The following VTI1A variants were observed in gnomAD, a reference collection of about 807,000 sequenced individuals.
VTI1A encodes vesicle transport through interaction with t-SNAREs homolog 1A.
A neutral mutation model predicts 34.9 loss-of-function variants in VTI1A; 22 were observed. The ratio of observed to expected loss-of-function variants is 0.63; its 90% confidence interval spans 0.45 to 0.90. VTI1A has a LOEUF of 0.90. VTI1A is among the 40% of genes least tolerant of loss of function. VTI1A has a pLI of 0.00. For synonymous variants in VTI1A, 87 were observed against 97.3 expected (o/e 0.89, Z 0.62); for missense variants, 268 against 275.6 (o/e 0.97, Z 0.20).
intron 7 of VTI1A, among the ~76,000 whole-genome samples, chr10:112,687,449 G>T (rs995058911): frequency 1.3e-5 from 2 of 151,300 alleles, no homozygotes; most frequent in African/African-American, 4.9e-5. Flanking sequence ...TAGCCAGGAT[G>T]GTCTCGATCT....
intron 3 of VTI1A, among the ~76,000 whole-genome samples, chr10:112,512,470 T>C (rs1849645923): frequency 6.6e-6 from 1 of 152,062 alleles, no homozygotes; most frequent in Non-Finnish European, 1.5e-5. Context: ...GGATGAATAG[T>C]TTGTGTTTTC....
intron 7 of VTI1A, among the ~76,000 whole-genome samples, chr10:112,733,253 A>AT (rs1467234572): frequency 6.6e-6 from 1 of 152,116 alleles, no homozygotes; most frequent in Non-Finnish European, 1.5e-5. Context: ...TAAAATTGAA[A>AT]TTCATATGAA....
chr10:112,542,219 G>T (rs776548991), intron 5 of VTI1A, among the ~76,000 whole-genome samples: 8 of 152,156 alleles, frequency 5.3e-5, no homozygotes, highest in Non-Finnish European at 1.0e-4. Context: ...AAGAGAAATT[G>T]TACAAGGGCA....
intron 5 of VTI1A, among the ~76,000 whole-genome samples, chr10:112,658,246 C>G (rs1288814356): frequency 6.6e-6 from 1 of 152,014 alleles, no homozygotes; most frequent in East Asian, 1.9e-4. Context: ...CCCCACCACG[C>G]CCAGCTAATT....
At chr10:112,703,664 G>A (rs1010293466) in intron 7 of VTI1A, among the ~76,000 whole-genome samples, 1 of 151,898 alleles carries the variant, frequency 6.6e-6, no homozygotes, top group Non-Finnish European at 1.5e-5. Flanking sequence ...ACAATATAAA[G>A]CAAAACATAG....
At chr10:112,674,053 G>A (rs1210411676) in intron 7 of VTI1A, among the ~76,000 whole-genome samples, 15 of 152,094 alleles carry the variant, frequency 9.9e-5, no homozygotes, top group African/African-American at 3.6e-4. Flanking sequence ...TGAGAAAAAT[G>A]TCCTTGAAAA....
chr10:112,580,887 C>A (rs141431009), intron 5 of VTI1A, among the ~76,000 whole-genome samples: 1 of 152,144 alleles, frequency 6.6e-6, no homozygotes, highest in African/African-American at 2.4e-5. Flanking sequence ...GGAATAACTA[C>A]GTACTGGAAT....
At chr10:112,582,210 A>G (rs752505923) in intron 5 of VTI1A, among the ~76,000 whole-genome samples, 1 of 152,076 alleles carries the variant, frequency 6.6e-6, no homozygotes, top group Non-Finnish European at 1.5e-5. Context: ...AAAGAGAGAG[A>G]AGGACACTCT....
At chr10:112,693,271 G>C (rs1848666466) in intron 7 of VTI1A, among the ~76,000 whole-genome samples, 1 of 152,166 alleles carries the variant, frequency 6.6e-6, no homozygotes, top group Admixed American at 6.5e-5. Context: ...AACTGGCGGG[G>C]CGTGATGGCT....
intron 3 of VTI1A, among the ~76,000 whole-genome samples, chr10:112,487,630 G>T (rs1483843486): frequency 6.6e-6 from 1 of 152,012 alleles, no homozygotes; most frequent in Non-Finnish European, 1.5e-5. Context: ...CTCTCACCTA[G>T]TTGTCTTTTT....
chr10:112,719,844 C>T (rs917512528), intron 7 of VTI1A, among the ~76,000 whole-genome samples: 1 of 152,174 alleles, frequency 6.6e-6, no homozygotes, highest in Non-Finnish European at 1.5e-5. Flanking sequence ...CGACACCCAG[C>T]CCAATTGTAG....
chr10:112,564,977 T>TA (rs1851859857), intron 5 of VTI1A, among the ~76,000 whole-genome samples: 4 of 152,122 alleles, frequency 2.6e-5, no homozygotes, highest in Admixed American at 2.6e-4. Context: ...ATGCTAATGT[T>TA]AAAAAAAGTG....
intron 3 of VTI1A, among the ~76,000 whole-genome samples, chr10:112,508,717 CAT>C (rs1234072084): frequency 6.6e-6 from 1 of 152,156 alleles, no homozygotes; most frequent in Non-Finnish European, 1.5e-5. Context: ...ACTACTAAAT[CAT>C]GTGCTGATAA....
intron 7 of VTI1A, among the ~76,000 whole-genome samples, chr10:112,682,057 T>C (rs1848234519): frequency 6.6e-6 from 1 of 152,216 alleles, no homozygotes; most frequent in Non-Finnish European, 1.5e-5. Flanking sequence ...TTAGGTCTTT[T>C]AATCTGTTTG....
In VTI1A at chr10:112,464,531, T is replaced by A; in HGVS notation, c.154-16T>A. 1 of 1,600,174 alleles carries A rather than the reference T, an allele frequency of 6.2e-7. No homozygotes were observed. Among genetic ancestry groups the A allele is most frequent in the Non-Finnish European group, 8.5e-7 (1 of 1,170,476 alleles). ...AACAGTGTGTTTTAAATCACATTTT[T>A]CTTTCCCTCTTCTAGCTTGAACAGA... On this transcript the variant is annotated splice_polypyrimidine_tract_variant and intron_variant, in intron 2 of 7. Coordinates refer to ENST00000393077, the MANE Select transcript of VTI1A (RefSeq NM_145206.4).
chr10:112,496,463 C>A (rs966988336), intron 3 of VTI1A, among the ~76,000 whole-genome samples: 1 of 151,654 alleles, frequency 6.6e-6, no homozygotes, highest in Non-Finnish European at 1.5e-5. Flanking sequence ...CCCAGCTTCT[C>A]GGGAGGCTGA....
At chr10:112,848,793 A>T in the VTI1A span, among the ~76,000 whole-genome samples, 292 of 152,222 alleles carry the variant, frequency 1.9e-3, 1 homozygote, top group Middle Eastern at 0.02. Context: ...CCTGAGGAGG[A>T]AGGGAATGAT....
At chr10:112,477,968 C>A (rs1388186584) in intron 3 of VTI1A, among the ~76,000 whole-genome samples, 5 of 152,048 alleles carry the variant, frequency 3.3e-5, no homozygotes, top group African/African-American at 1.2e-4. Context: ...AAATTACTAT[C>A]CTCATAGCTA....
At chr10:112,789,324 G>A (rs1301523106) in intron 7 of VTI1A, among the ~76,000 whole-genome samples, 1 of 152,140 alleles carries the variant, frequency 6.6e-6, no homozygotes, top group Non-Finnish European at 1.5e-5. Flanking sequence ...ATTCTTGGTT[G>A]ATAAGTCCCC....
Sources: gnomAD v4.1 joint callset for allele counts (sites outside exome capture counted in the v4.1 genomes callset) on GRCh38, gnomAD v4.1.1 for gene constraint, MANE v1.5 for transcripts, NCBI Gene and HGNC (gene_info 2026-07-23, HGNC 2026-07-21) for gene names.